Variants in TAB2 observed in about 807,000 individuals in gnomAD.
TAB2 encodes the protein TGF-beta-activated kinase 1 and MAP3K7-binding protein 2.
A neutral mutation model predicts 65.0 loss-of-function variants in TAB2; 3 were observed. The ratio of observed to expected loss-of-function variants is 0.05; its 90% CI spans 0.02 to 0.12. TAB2 has a LOEUF of 0.12. TAB2 is among the 10% of genes least tolerant of loss of function. TAB2 has a pLI of 1.00. For missense variants in TAB2, 623 were observed against 840.3 expected, an observed-to-expected ratio of 0.74 and a Z score of 3.20; for synonymous variants, 298 against 285.1, an observed-to-expected ratio of 1.05 and a Z score of -0.46.
chr6:149,220,216 T>C (rs1315122869), intron 1 of TAB2, among the ~76,000 whole-genome samples: 2 of 152,244 alleles, frequency 1.3e-5, no homozygotes, highest in Non-Finnish European at 2.9e-5. Context: ...TATACAGATA[T>C]GTAGTTGGAA....
intron 1 of TAB2, among the ~76,000 whole-genome samples, chr6:149,267,396 T>C (rs1341804942): frequency 2.0e-5 from 3 of 152,150 alleles, no homozygotes; most frequent in African/African-American, 7.2e-5. Flanking sequence ...TGCACCAGTG[T>C]CACGAACCAG....
At chr6:149,377,104 C>G (rs1306113058) in intron 2 of TAB2, among the ~76,000 whole-genome samples, 1 of 147,066 alleles carries the variant, frequency 6.8e-6, no homozygotes, top group Non-Finnish European at 1.5e-5. Flanking sequence ...GAGTCTCGCT[C>G]TGTCACCCAG....
At chr6:149,385,261 A>ATATAATTTT (rs1781751754) in intron 3 of TAB2, among the ~76,000 whole-genome samples, 1 of 152,276 alleles carries the variant, frequency 6.6e-6, no homozygotes, top group Admixed American at 6.5e-5. Flanking sequence ...TCAAAAGGAA[A>ATATAATTTT]TATAATTTTA....
intron 1 of TAB2, among the ~76,000 whole-genome samples, chr6:149,290,803 C>T (rs1286109445): frequency 7.2e-5 from 11 of 152,182 alleles, no homozygotes; most frequent in Non-Finnish European, 1.6e-4. Context: ...TAAGATCGTG[C>T]CACTGCACTC....
At chr6:149,261,642 T>C (rs550803229) in intron 1 of TAB2, among the ~76,000 whole-genome samples, 61 of 152,306 alleles carry the variant, frequency 4.0e-4, no homozygotes, top group Admixed American at 9.2e-4. Flanking sequence ...CTCCAAATTA[T>C]ATTTAATGAT....
At chr6:149,368,551 C>T (rs1258968717) in intron 1 of TAB2, among the ~76,000 whole-genome samples, 2 of 151,904 alleles carry the variant, frequency 1.3e-5, no homozygotes, top group African/African-American at 4.8e-5. Flanking sequence ...GCATGATTGT[C>T]GCCACTTAAA....
rs147838400 is a variant in TAB2, at chr6:149,390,859, A to G, written c.1604-6745A>G. Among the ~76,000 whole-genome samples the G allele has an allele frequency of 3.7e-4, 56 of 152,228 alleles. No individual in the cohort carries two copies. In the East Asian group the frequency reaches 0.01, roughly 28 times the overall value. ...TGTTCACTGCAAAGCCCAGTCATTT[A>G]TCTGTTTTCCTTGGAATTTTTAATT... On this transcript the variant is annotated intron_variant, in intron 3 of 6. Transcript: ENST00000637181.
At chr6:149,257,495 T>G (rs1026209871) in intron 1 of TAB2, 3 of 152,078 alleles carry the variant, frequency 2.0e-5, no homozygotes, top group Non-Finnish European at 4.4e-5. Flanking sequence ...AGACCCTCAG[T>G]GTATGGACCG....
chr6:149,303,008 T>C (rs1348123979), intron 1 of TAB2, among the ~76,000 whole-genome samples: 2 of 152,204 alleles, frequency 1.3e-5, no homozygotes, highest in African/African-American at 4.8e-5. Flanking sequence ...CGAACCCTAT[T>C]GTGAACTGCG....
chr6:149,350,679 A>G (rs928592391), intron 1 of TAB2, among the ~76,000 whole-genome samples: 2 of 144,278 alleles, frequency 1.4e-5, no homozygotes, highest in African/African-American at 5.2e-5. Context: ...CAGTGGCACA[A>G]TCATAGCTCA....
intron 1 of TAB2, among the ~76,000 whole-genome samples, chr6:149,263,663 T>G (rs987619516): frequency 3.3e-5 from 5 of 152,098 alleles, no homozygotes; most frequent in East Asian, 1.9e-4. Context: ...CCCCAAATGG[T>G]GAAAAATAGT....
At chr6:149,386,081 G>A (rs1406839464) in intron 3 of TAB2, among the ~76,000 whole-genome samples, 2 of 151,738 alleles carry the variant, frequency 1.3e-5, no homozygotes, top group African/African-American at 2.4e-5. Context: ...ACACATACGT[G>A]TGTGTATATA....
chr6:149,344,979 T>G (rs1465627388), intron 1 of TAB2, among the ~76,000 whole-genome samples: 1 of 152,202 alleles, frequency 6.6e-6, no homozygotes, highest in Non-Finnish European at 1.5e-5. Context: ...CCTTTGTATA[T>G]GATAGTACAA....
Position 149,308,501 on chromosome 6 carries a change from TTTATTTATTTATTTATTTAC to T in TAB2, c.-120-69497_-120-69478del, listed in dbSNP as rs1358494721. ...TTTTAACCATTAGTGATATTTTCTATTTATTTATTTATTTATTTACTTATTTATTTATTTATTTATTTTTG... is the reference window on the plus strand; with the variant it reads ...TTTTAACCATTAGTGATATTTTCTATTTATTTATTTATTTATTTATTTTTG... On this transcript the variant is annotated intron_variant, in intron 1 of 1. Transcript: ENST00000606202. Among the ~76,000 whole-genome samples the T allele has an allele frequency of 4.3e-5, 5 of 116,306 alleles. No individual in the cohort carries two copies. The East Asian group carries it at 1.3e-3, about 30-fold the overall frequency. 76.3% of individuals were successfully genotyped at this position (116,306 alleles called of 152,430 possible).
chr6:149,269,569 A>C (rs1165996926), intron 1 of TAB2, among the ~76,000 whole-genome samples: 1 of 152,134 alleles, frequency 6.6e-6, no homozygotes, highest in Admixed American at 6.5e-5. Flanking sequence ...ACCCTAAAAA[A>C]TTCCTTTTCA....
Position 149,379,208 on chromosome 6 carries a change from C to G in TAB2, c.1293C>G (p.Ala431=). 6.2e-7 allele frequency: 1 copy of G among 1,614,194 alleles called. No individual in the cohort carries two copies. Among genetic ancestry groups the G allele is most frequent in the South Asian group, 1.1e-5 (1 of 91,080 alleles). ...CTGGGCAAGTGAGCATGGGTCCTGC[C>G]TTTATTCATCACCATCCTCCCAAAA... The part of the protein sequence containing the change: ...NMSGQVSMGP[A]FIHHHPPKSR... The change falls in exon 3 of 7, where the codon GCC becomes GCG. Residue 431 remains alanine, a synonymous_variant. Transcript: ENST00000637181.
chr6:149,409,536 G>A, intron 6 of TAB2, 41 bp from the exon 7 acceptor site: 1 of 1,585,638 alleles, frequency 6.3e-7, no homozygotes, highest in South Asian at 1.1e-5. Flanking sequence ...TTTAGACTTT[G>A]TGATTTTTTA....
At chr6:149,381,172 G>T (rs1781594828) in intron 3 of TAB2, among the ~76,000 whole-genome samples, 1 of 152,218 alleles carries the variant, frequency 6.6e-6, no homozygotes, top group South Asian at 2.1e-4. Flanking sequence ...GTATTTGTGT[G>T]TGTGCATTTT....
intron 1 of TAB2, among the ~76,000 whole-genome samples, chr6:149,327,929 C>T (rs547150140): frequency 6.6e-6 from 1 of 152,190 alleles, no homozygotes; most frequent in South Asian, 2.1e-4. Flanking sequence ...GAGACATACT[C>T]ATTCTCTTCA....
Sources: gnomAD v4.1 joint callset for allele counts (sites outside exome capture counted in the v4.1 genomes callset) on GRCh38, gnomAD v4.1.1 for gene constraint, MANE v1.5 for transcripts, NCBI Gene and HGNC (gene_info 2026-07-23, HGNC 2026-07-21) for gene names.